DLGAP1: variants seen among roughly 807,000 people sequenced by gnomAD.
The protein encoded by DLGAP1 is DLG associated protein 1, also known as disks large-associated protein 1.
A neutral mutation model predicts 90.8 loss-of-function variants in DLGAP1; 11 were observed. The ratio of observed to expected loss-of-function variants is 0.12; its 90% CI spans 0.08 to 0.20. The LOEUF is 0.20. Ranked by LOEUF, DLGAP1 falls within the 10% of genes least tolerant of loss-of-function variation. The pLI is 1.00. For missense variants in DLGAP1, 1,050 were observed against 1,333.8 expected (o/e 0.79, Z 3.31); for synonymous variants, 558 against 540.7 (o/e 1.03, Z -0.44).
rs116347264 is a variant in DLGAP1, at chr18:3,807,185, C to T, written c.1172+6874G>A. On this transcript the variant is annotated intron_variant, in intron 5 of 12. Transcript: ENST00000315677. ...AACTCACTTCACTGCAGGCTTCTGA[C>T]GCCCCTTCAAATCCATGCTTCACTC... is the stretch of plus-strand genomic sequence containing the variant. Among the ~76,000 whole-genome samples the T allele has an allele frequency of 6.9e-3, 1,058 of 152,322 alleles. 15 individuals carry two copies. Among genetic ancestry groups the T allele is most frequent in the African/African-American group, 0.019 (790 of 41,580 alleles).
intron 4 of DLGAP1, among the ~76,000 whole-genome samples, chr18:3,861,919 G>T (rs538465682): frequency 6.6e-6 from 1 of 152,220 alleles, no homozygotes; most frequent in African/African-American, 2.4e-5. Context: ...CAAAGATGGC[G>T]AAAGAGTGCC....
At chr18:3,749,800 T>A (rs1420818786) in intron 5 of DLGAP1, among the ~76,000 whole-genome samples, 1 of 152,208 alleles carries the variant, frequency 6.6e-6, no homozygotes, top group Non-Finnish European at 1.5e-5. Flanking sequence ...CTTATTTTTT[T>A]AATCCACATT....
chr18:4,127,174 G>A (rs893958709), intron 2 of DLGAP1, among the ~76,000 whole-genome samples: 2 of 152,184 alleles, frequency 1.3e-5, no homozygotes, highest in African/African-American at 4.8e-5. Flanking sequence ...ATCAGCAGGA[G>A]CTACTATGCA....
intron 1 of DLGAP1, among the ~76,000 whole-genome samples, chr18:4,168,881 G>C (rs2076978170): frequency 1.3e-5 from 2 of 152,070 alleles, no homozygotes; most frequent in African/African-American, 4.8e-5. Context: ...ACTATGTCTG[G>C]CTCTCATTTC....
chr18:3,876,751 C>G (rs1055032937), intron 4 of DLGAP1, among the ~76,000 whole-genome samples: 1 of 151,906 alleles, frequency 6.6e-6, no homozygotes, highest in African/African-American at 2.4e-5. Context: ...AAGCCTCAAA[C>G]GTTTCATTAC....
chr18:4,068,927 G>T (rs1173838153), intron 2 of DLGAP1, among the ~76,000 whole-genome samples: 1 of 152,142 alleles, frequency 6.6e-6, no homozygotes, highest in East Asian at 1.9e-4. Flanking sequence ...GCTTAATGTG[G>T]AAGAAGTGCT....
At chr18:3,747,747 T>C (rs771993772) in intron 5 of DLGAP1, among the ~76,000 whole-genome samples, 4 of 152,218 alleles carry the variant, frequency 2.6e-5, no homozygotes, top group African/African-American at 9.6e-5. Context: ...AATTTCAAAG[T>C]GAAACATCAT....
intron 1 of DLGAP1, among the ~76,000 whole-genome samples, chr18:4,215,209 T>C (rs888212172): frequency 6.6e-6 from 1 of 152,202 alleles, no homozygotes; most frequent in Non-Finnish European, 1.5e-5. Flanking sequence ...GCATAAATTA[T>C]TTTTATTGCA....
intron 1 of DLGAP1, among the ~76,000 whole-genome samples, chr18:4,344,653 A>G (rs1379234949): frequency 6.6e-6 from 1 of 152,218 alleles, no homozygotes; most frequent in Non-Finnish European, 1.5e-5. Flanking sequence ...ATTATGTGCC[A>G]GGTCTGGAAT....
intron 6 of DLGAP1, among the ~76,000 whole-genome samples, chr18:3,741,240 C>T (rs1292295956): frequency 8.1e-6 from 1 of 123,326 alleles, no homozygotes. Flanking sequence ...ACCACCACCA[C>T]CATCACCATC....
chr18:3,909,909 C>T (rs1191174818), intron 3 of DLGAP1, among the ~76,000 whole-genome samples: 1 of 151,848 alleles, frequency 6.6e-6, no homozygotes, highest in Non-Finnish European at 1.5e-5. Flanking sequence ...AAATACACTC[C>T]CCACAACCTA....
At chr18:3,845,535 G>A in intron 4 of DLGAP1, 1 of 985,314 alleles carries the variant, frequency 1.0e-6, no homozygotes, top group Non-Finnish European at 1.2e-6. Flanking sequence ...TTTTCAGCCT[G>A]TGCAATTTTG....
At chr18:4,227,428 T>G (rs372354130) in intron 1 of DLGAP1, among the ~76,000 whole-genome samples, 1 of 152,032 alleles carries the variant, frequency 6.6e-6, no homozygotes, top group African/African-American at 2.4e-5. Flanking sequence ...TGAATCATTC[T>G]CTAAAACAAA....
At chr18:4,095,412 G>C (rs571909643) in intron 2 of DLGAP1, among the ~76,000 whole-genome samples, 146 of 152,262 alleles carry the variant, frequency 9.6e-4, no homozygotes, top group African/African-American at 3.3e-3. Context: ...ACGTCTGGGT[G>C]AACAAAAGAA....
intron 4 of DLGAP1, among the ~76,000 whole-genome samples, chr18:3,853,068 G>T (rs912564613): frequency 6.6e-6 from 1 of 152,018 alleles, no homozygotes; most frequent in Admixed American, 6.5e-5. Context: ...ATACGACAGG[G>T]ATTACCTCTT....
At chr18:3,845,131 A>C (rs1256476992) in intron 4 of DLGAP1, 1 of 1,414,464 alleles carries the variant, frequency 7.1e-7, no homozygotes, top group Non-Finnish European at 9.7e-7. Context: ...CATGAAATTA[A>C]CTCCAGTATG....
At chr18:3,839,767 T>C (rs764700217) in intron 4 of DLGAP1, among the ~76,000 whole-genome samples, 12 of 152,240 alleles carry the variant, frequency 7.9e-5, no homozygotes, top group Admixed American at 1.3e-4. Context: ...CTGAGAACAA[T>C]AGAAAACAGC....
intron 1 of DLGAP1, among the ~76,000 whole-genome samples, chr18:4,386,997 C>T (rs1473787915): frequency 2.0e-5 from 3 of 152,242 alleles, no homozygotes; most frequent in African/African-American, 7.2e-5. Context: ...AGTAAACTAC[C>T]TTTCTAAGTC....
At chr18:3,736,456 T>C (rs939661343) in intron 6 of DLGAP1, among the ~76,000 whole-genome samples, 1 of 152,230 alleles carries the variant, frequency 6.6e-6, no homozygotes, top group African/African-American at 2.4e-5. Flanking sequence ...GACCAACTCC[T>C]TGGTGTACTC....
Sources: gnomAD v4.1 joint callset for allele counts (sites outside exome capture counted in the v4.1 genomes callset) on GRCh38, gnomAD v4.1.1 for gene constraint, MANE v1.5 for transcripts, NCBI Gene and HGNC (gene_info 2026-07-23, HGNC 2026-07-21) for gene names.